RTP2: variants seen among roughly 807,000 people sequenced by gnomAD.
The protein encoded by RTP2 is receptor transporter protein 2, also known as receptor-transporting protein 2.
A neutral mutation model predicts 17.9 loss-of-function variants in RTP2; 12 were observed. The observed-to-expected ratio is 0.67, with a 90% confidence interval of 0.43 to 1.09. The LOEUF (loss-of-function observed/expected upper bound fraction) is 1.09, where lower values mean the gene tolerates loss of function less well. Among genes scored for constraint, RTP2 ranks in the 50% least tolerant of loss-of-function variants. RTP2 has a pLI of 0.00. For synonymous variants in RTP2, 126 were observed against 117.7 expected (o/e 1.07, Z -0.46); for missense variants, 327 against 295.7 (o/e 1.11, Z -0.78).
At chr3:187,700,963 C>T (rs1379551540) in intron 1 of RTP2, among the ~76,000 whole-genome samples, 1 of 152,192 alleles carries the variant, frequency 6.6e-6, no homozygotes, top group African/African-American at 2.4e-5. Flanking sequence ...AGCTCCCTAC[C>T]CACATCTTGC....
exon 2 of RTP2, chr3:187,698,672 G>A (rs763367600): frequency 1.2e-5 from 19 of 1,614,128 alleles, no homozygotes; most frequent in Admixed American, 6.7e-5. Context: ...GCAGCTTCTC[G>A]CTGGGCTTCC....
the RTP2 span, among the ~76,000 whole-genome samples, chr3:187,712,162 TG>T: frequency 6.6e-6 from 1 of 151,928 alleles, no homozygotes; most frequent in Non-Finnish European, 1.5e-5. Flanking sequence ...TGTAAAACGA[TG>T]TAAGTCTGAA....
the RTP2 span, among the ~76,000 whole-genome samples, chr3:187,715,054 A>ACAGGTTT: frequency 2.0e-5 from 3 of 151,226 alleles, no homozygotes; most frequent in Non-Finnish European, 4.4e-5. Flanking sequence ...GTTACAGGTT[A>ACAGGTTT]CAGGTTACAA....
the RTP2 span, among the ~76,000 whole-genome samples, chr3:187,710,914 C>T: frequency 6.6e-6 from 1 of 152,118 alleles, no homozygotes; most frequent in Non-Finnish European, 1.5e-5. Flanking sequence ...CTAGGTAAAT[C>T]AGTTTAGTAC....
the RTP2 span, among the ~76,000 whole-genome samples, chr3:187,707,905 C>G: frequency 1.3e-5 from 2 of 152,120 alleles, no homozygotes; most frequent in Non-Finnish European, 1.5e-5. Flanking sequence ...ACCTTCACTC[C>G]ATTAACCAAA....
intron 1 of RTP2, among the ~76,000 whole-genome samples, chr3:187,700,216 C>T (rs542433934): frequency 3.3e-5 from 5 of 152,232 alleles, no homozygotes; most frequent in Admixed American, 1.3e-4. Context: ...TGGCTCTGAC[C>T]CCTGAAAGCC....
At chr3:187,712,843 C>A in the RTP2 span, among the ~76,000 whole-genome samples, 312 of 152,258 alleles carry the variant, frequency 2.0e-3, 2 homozygotes, top group African/African-American at 5.1e-3. Context: ...TCACTGTTTC[C>A]AAAAGGGGTC....
upstream of RTP2, among the ~76,000 whole-genome samples, chr3:187,707,178 G>A (rs566494533): frequency 6.6e-6 from 1 of 152,202 alleles, no homozygotes; most frequent in Non-Finnish European, 1.5e-5. Flanking sequence ...CCAAGGGCTG[G>A]TGTCACAAGA....
At chr3:187,699,092 A>AT in intron 1 of RTP2, 81 bp from the exon 2 acceptor site, 1 of 1,451,914 alleles carries the variant, frequency 6.9e-7, no homozygotes, top group Admixed American at 2.6e-5. Flanking sequence ...GGGAAAAAAA[A>AT]GCCTGTGTGC....
At chr3:187,701,603 A>T (rs926471737) in intron 1 of RTP2, among the ~76,000 whole-genome samples, 13 of 152,208 alleles carry the variant, frequency 8.5e-5, no homozygotes, top group African/African-American at 3.1e-4. Context: ...TACCCCCTGC[A>T]TTCCCCCAAC....
At chr3:187,708,919 CTA>C in the RTP2 span, among the ~76,000 whole-genome samples, 1 of 150,318 alleles carries the variant, frequency 6.7e-6, no homozygotes, top group Non-Finnish European at 1.5e-5. Flanking sequence ...GGCTTACTGA[CTA>C]TGCATATTTG....
the RTP2 span, chr3:187,715,559 G>T: frequency 7.0e-6 from 3 of 430,382 alleles, no homozygotes; most frequent in Admixed American, 7.5e-5. Flanking sequence ...TGGGGGAGCT[G>T]TGTCCTAGTC....
At chr3:187,712,545 T>C in the RTP2 span, among the ~76,000 whole-genome samples, 1 of 152,190 alleles carries the variant, frequency 6.6e-6, no homozygotes, top group African/African-American at 2.4e-5. Flanking sequence ...TTTGAGCCCC[T>C]TGTGAGCTGA....
chr3:187,710,506 G>A, the RTP2 span, among the ~76,000 whole-genome samples: 1 of 145,946 alleles, frequency 6.9e-6, no homozygotes, highest in African/African-American at 2.7e-5. Context: ...GATATGTATG[G>A]TTCTCCATAT....
At chr3:187,715,526 G>A in the RTP2 span, 1 of 350,642 alleles carries the variant, frequency 2.9e-6, no homozygotes, top group South Asian at 2.1e-5. Flanking sequence ...TTATTTCCGA[G>A]GAACTAATAC....
At chr3:187,702,240 A>C in exon 1 of RTP2, 1 of 1,107,686 alleles carries the variant, frequency 9.0e-7, no homozygotes, top group Non-Finnish European at 1.3e-6. Flanking sequence ...CATCGGCAGG[A>C]CTGGGAGTAA....
chr3:187,702,301 C>A (rs1488369803), exon 1 of RTP2: 11 of 647,536 alleles, frequency 1.7e-5, no homozygotes, highest in Non-Finnish European at 2.7e-5. Flanking sequence ...ACCATGGTAG[C>A]CAGGCAGGGC....
chr3:187,712,619 A>G, the RTP2 span, among the ~76,000 whole-genome samples: 2 of 152,180 alleles, frequency 1.3e-5, no homozygotes, highest in Non-Finnish European at 2.9e-5. Context: ...TTGTGAAAAT[A>G]TCAGGAGGCA....
upstream of RTP2, among the ~76,000 whole-genome samples, chr3:187,706,235 G>A (rs1462303660): frequency 6.6e-6 from 1 of 152,168 alleles, no homozygotes; most frequent in East Asian, 1.9e-4. Flanking sequence ...TACATGAGAT[G>A]TAAAACAAAT....
Sources: gnomAD v4.1 joint callset for allele counts (sites outside exome capture counted in the v4.1 genomes callset) on GRCh38, gnomAD v4.1.1 for gene constraint, MANE v1.5 for transcripts, NCBI Gene and HGNC (gene_info 2026-07-23, HGNC 2026-07-21) for gene names.